STAP1: variants seen among roughly 807,000 people sequenced by gnomAD.
STAP1 encodes the protein signal-transducing adaptor protein 1.
In STAP1, 30 loss-of-function variants were observed where a neutral mutation model predicts 37.8. That is an observed-to-expected ratio of 0.79 (90% CI 0.59 to 1.08). The LOEUF (loss-of-function observed/expected upper bound fraction) is 1.08, where lower values mean the gene tolerates loss of function less well. Ranked by LOEUF, STAP1 falls within the 50% of genes least tolerant of loss-of-function variation. STAP1 has a pLI of 0.00. For missense variants in STAP1, 357 were observed against 349.4 expected (o/e 1.02, Z -0.17); for synonymous variants, 130 against 116.0 (o/e 1.12, Z -0.78).
chr4:67,597,433 C>A (rs1728250536), intron 8 of STAP1, among the ~76,000 whole-genome samples: 1 of 152,196 alleles, frequency 6.6e-6, no homozygotes, highest in African/African-American at 2.4e-5. Context: ...GGGTTAGAGC[C>A]CCCACACAGA....
chr4:67,566,852 C>T (rs893952464), intron 1 of STAP1, among the ~76,000 whole-genome samples: 3 of 152,030 alleles, frequency 2.0e-5, no homozygotes, highest in Admixed American at 6.6e-5. Context: ...TGCCTGTAGT[C>T]CTAGCTACTG....
chr4:67,560,477 G>T (rs1229879423), intron 1 of STAP1, among the ~76,000 whole-genome samples: 3 of 152,084 alleles, frequency 2.0e-5, no homozygotes, highest in Non-Finnish European at 4.4e-5. Context: ...ATTTTCAAGA[G>T]GCTTAATATA....
In STAP1 at chr4:67,583,558, T is replaced by TA. The variant is rs1553901749; in HGVS notation, c.531-15dup. 6.3e-7 allele frequency: 1 copy of TA among 1,579,326 alleles called. No individual in the cohort carries two copies. The highest frequency in any genetic ancestry group is 8.6e-7 in the Non-Finnish European group (1 of 1,167,758). The stretch of plus-strand genomic sequence containing the variant: ...AGTTAAAAAAACAATTCTGTTTTTT[T>TA]ATCTCACCTCTGTAGATGTTTTTAT... On this transcript the variant is annotated splice_polypyrimidine_tract_variant and intron_variant, in intron 5 of 8. Coordinates refer to ENST00000265404, the MANE Select transcript of STAP1 (RefSeq NM_012108.4).
chr4:67,590,835 T>C (rs777828280), intron 6 of STAP1, 49 bp from the exon 7 acceptor site: 6 of 1,354,388 alleles, frequency 4.4e-6, no homozygotes, highest in Non-Finnish European at 6.2e-6. Flanking sequence ...TAGTTTGCAT[T>C]TACCCAATTG....
chr4:67,574,487 T>C (rs1249450311), intron 2 of STAP1, among the ~76,000 whole-genome samples: 1 of 152,216 alleles, frequency 6.6e-6, no homozygotes, highest in East Asian at 1.9e-4. Context: ...AGCAATTTCT[T>C]TGCTGAATTA....
At chr4:67,568,865 G>A (rs1034580667) in intron 1 of STAP1, among the ~76,000 whole-genome samples, 5 of 152,164 alleles carry the variant, frequency 3.3e-5, no homozygotes, top group African/African-American at 4.8e-5. Flanking sequence ...GCCCTTCACT[G>A]GTCCATCTGA....
At chr4:67,576,611 A>G (rs965370733) in intron 3 of STAP1, among the ~76,000 whole-genome samples, 2 of 152,170 alleles carry the variant, frequency 1.3e-5, no homozygotes, top group Non-Finnish European at 2.9e-5. Flanking sequence ...GGCTCAAGCA[A>G]CTTTCTCACC....
intron 1 of STAP1, among the ~76,000 whole-genome samples, chr4:67,562,601 TAAAA>T (rs34000253): frequency 3.4e-5 from 4 of 117,294 alleles, no homozygotes; most frequent in Non-Finnish European, 5.1e-5. Flanking sequence ...CTGTCTCTAC[TAAAA>T]AAAAAAAAAA....
intron 6 of STAP1, among the ~76,000 whole-genome samples, chr4:67,584,824 G>A (rs1023474861): frequency 3.9e-5 from 6 of 152,190 alleles, no homozygotes; most frequent in African/African-American, 1.4e-4. Context: ...ACAGATCATT[G>A]TAGGGACAAG....
At position 67,581,298 on chromosome 4, in the gene STAP1, G is replaced by A. The variant is rs1727849394; in HGVS notation, c.364-7G>A. The A allele has an allele frequency of 6.2e-7, 1 of 1,608,876 alleles. No individual in the cohort carries two copies. Among genetic ancestry groups the A allele is most frequent in the African/African-American group, 1.3e-5 (1 of 74,554 alleles). On this transcript the variant is annotated splice_polypyrimidine_tract_variant and splice_region_variant and intron_variant, in intron 4 of 8. Coordinates refer to ENST00000265404, the MANE Select transcript of STAP1 (RefSeq NM_012108.4). Reference sequence around the variant, plus strand: ...TCTTGCCTGCCTACTCTTTTAATTGGTTTCAGCTGTCAGTTCCCCAAAACG... The same window carrying A: ...TCTTGCCTGCCTACTCTTTTAATTGATTTCAGCTGTCAGTTCCCCAAAACG...
At chr4:67,563,526 C>T (rs183667844) in intron 1 of STAP1, among the ~76,000 whole-genome samples, 371 of 152,152 alleles carry the variant, frequency 2.4e-3, no homozygotes, top group Non-Finnish European at 4.2e-3. Flanking sequence ...GGCAATATAG[C>T]GAAACCCCAT....
chr4:67,567,096 G>A (rs935339279), intron 1 of STAP1, among the ~76,000 whole-genome samples: 2 of 152,062 alleles, frequency 1.3e-5, no homozygotes, highest in Non-Finnish European at 2.9e-5. Flanking sequence ...ATAAAAAGAA[G>A]GAAAGAAAAG....
intron 8 of STAP1, among the ~76,000 whole-genome samples, chr4:67,600,912 T>C (rs187760356): frequency 6.6e-6 from 1 of 152,276 alleles, no homozygotes; most frequent in Non-Finnish European, 1.5e-5. Flanking sequence ...GTGAGTCTTG[T>C]TTTTTATCCT....
intron 7 of STAP1, among the ~76,000 whole-genome samples, chr4:67,591,678 T>C (rs563711237): frequency 2.0e-5 from 3 of 152,324 alleles, no homozygotes; most frequent in African/African-American, 4.8e-5. Context: ...AAGATATTTA[T>C]ATTTACCTAG....
At chr4:67,573,890 T>C (rs1727660473) in intron 2 of STAP1, among the ~76,000 whole-genome samples, 1 of 152,124 alleles carries the variant, frequency 6.6e-6, no homozygotes, top group Non-Finnish European at 1.5e-5. Flanking sequence ...ATGAGGCTAA[T>C]TTAGTAAAAA....
At chr4:67,595,297 C>G (rs943940626) in intron 8 of STAP1, among the ~76,000 whole-genome samples, 5 of 148,434 alleles carry the variant, frequency 3.4e-5, no homozygotes, top group Non-Finnish European at 7.4e-5. Flanking sequence ...ACCTATAATC[C>G]CAGCACTTTG....
chr4:67,587,179 G>A (rs1368938639), intron 6 of STAP1, among the ~76,000 whole-genome samples: 1 of 152,124 alleles, frequency 6.6e-6, no homozygotes, highest in African/African-American at 2.4e-5. Flanking sequence ...AAAGAATTTG[G>A]TAGAAACCTC....
intron 8 of STAP1, among the ~76,000 whole-genome samples, chr4:67,598,371 T>C (rs776882108): frequency 4.1e-4 from 62 of 152,280 alleles, no homozygotes; most frequent in Non-Finnish European, 7.2e-4. Flanking sequence ...TCTCTATAGT[T>C]GCTCTACTAA....
intron 6 of STAP1, among the ~76,000 whole-genome samples, chr4:67,590,462 G>T (rs190739710): frequency 2.5e-3 from 375 of 152,224 alleles, no homozygotes; most frequent in African/African-American, 8.7e-3. Context: ...AGGGTAGAAA[G>T]CAATGTACTT....
Sources: allele counts gnomAD v4.1 joint callset (sites outside exome capture counted in the v4.1 genomes callset), GRCh38; gene constraint gnomAD v4.1.1; transcripts MANE v1.5; gene names NCBI Gene and HGNC (gene_info 2026-07-23, HGNC 2026-07-21).